The following OPTN variants were observed in gnomAD, a reference collection of about 807,000 sequenced individuals.
OPTN encodes the protein optineurin.
OPTN carries 54 observed loss-of-function variants against 70.4 expected under a neutral mutation model. That is an observed-to-expected ratio of 0.77 (90% CI 0.62 to 0.96). OPTN has a LOEUF of 0.96. OPTN is among the 40% of genes least tolerant of loss of function. The pLI is 0.00. For synonymous variants in OPTN, 256 were observed against 248.5 expected, an observed-to-expected ratio of 1.03 and a Z score of -0.28; for missense variants, 624 against 673.2, an observed-to-expected ratio of 0.93 and a Z score of 0.81.
chr10:13,127,983 ATGTT>A, intron 12 of OPTN, 80 bp downstream of exon 12: 2 of 1,477,200 alleles, frequency 1.4e-6, no homozygotes, highest in South Asian at 2.3e-5. Context: ...GGTGTTTAGA[ATGTT>A]TGTAATTTTC....
chr10:13,103,469 A>G (rs1159434860), intron 1 of OPTN, among the ~76,000 whole-genome samples: 4 of 152,200 alleles, frequency 2.6e-5, no homozygotes. Context: ...ACCATTTGAC[A>G]CATTATGACT....
At chr10:13,135,119 A>G (rs1588455110) in intron 14 of OPTN, among the ~76,000 whole-genome samples, 1 of 152,236 alleles carries the variant, frequency 6.6e-6, no homozygotes, top group Non-Finnish European at 1.5e-5. Flanking sequence ...CTTAGAAGCA[A>G]ATAAAGGTTG....
At chr10:13,132,360 A>G (rs1426404090) in intron 13 of OPTN, among the ~76,000 whole-genome samples, 163 bp downstream of exon 13, 21 of 152,010 alleles carry the variant, frequency 1.4e-4, no homozygotes, top group Non-Finnish European at 2.9e-5. Context: ...AAAATAAATA[A>G]TAATAATAAT....
At chr10:13,110,118 C>A in intron 3 of OPTN, 156 bp from the exon 4 acceptor site, 1 of 1,383,488 alleles carries the variant, frequency 7.2e-7, no homozygotes, top group Non-Finnish European at 9.7e-7. Context: ...TAAGCAAAAA[C>A]CACTTCGTCT....
intron 7 of OPTN, among the ~76,000 whole-genome samples, chr10:13,120,468 A>G (rs969765178): frequency 6.7e-6 from 1 of 150,104 alleles, no homozygotes; most frequent in East Asian, 2.0e-4. Context: ...ATTTACTCCT[A>G]TGTTTTTCTC....
intron 12 of OPTN, 106 bp from the exon 13 acceptor site, chr10:13,131,961 C>T: frequency 1.8e-6 from 2 of 1,132,876 alleles, no homozygotes; most frequent in Non-Finnish European, 2.6e-6. Context: ...ATCTGTGATT[C>T]ACAAGGGCTA....
At chr10:13,104,254 C>CTTTT (rs60982439) in intron 1 of OPTN, among the ~76,000 whole-genome samples, 25 of 97,832 alleles carry the variant, frequency 2.6e-4, no homozygotes, top group African/African-American at 8.8e-4. Flanking sequence ...GTTTTTTTTT[C>CTTTT]TTTTTTTTTT....
intron 13 of OPTN, among the ~76,000 whole-genome samples, chr10:13,132,457 G>T (rs542373024): frequency 3.9e-5 from 6 of 152,278 alleles, no homozygotes; most frequent in African/African-American, 1.4e-4. Flanking sequence ...GTGGGAGCTT[G>T]ATCAAGCTCC....
At position 13,125,514 on chromosome 10, in the gene OPTN, G is replaced by A. The variant is rs1833438846; in HGVS notation, c.1095G>A (p.Val365=). Residue 365 remains valine, a synonymous_variant, in exon 10 of 15, where the codon GTG becomes GTA. Coordinates refer to ENST00000378747, the MANE Select transcript of OPTN (RefSeq NM_001008212.2). ...CTAACAAAAAGTTAGAGCTACAAGT[G>A]GAAAGCATGCTATCAGAAATCAAAA... ...VYTNKKLELQ[V]ESMLSEIKME... is the part of the protein sequence containing the mutation. The A allele has an allele frequency of 1.9e-6, 3 of 1,614,082 alleles. No homozygotes were observed. The highest frequency in any genetic ancestry group is 2.5e-6 in the Non-Finnish European group (3 of 1,179,980).
intron 4 of OPTN, 40 bp from the exon 5 acceptor site, chr10:13,112,413 G>C (rs1169879586): frequency 1.3e-6 from 2 of 1,599,382 alleles, no homozygotes; most frequent in Non-Finnish European, 1.7e-6. Flanking sequence ...CCCAGCCTTA[G>C]TTTGATCTGT....
chr10:13,104,035 T>C (rs941541386), intron 1 of OPTN, among the ~76,000 whole-genome samples: 3 of 152,172 alleles, frequency 2.0e-5, no homozygotes, highest in African/African-American at 7.2e-5. Flanking sequence ...TTCGAAGACA[T>C]GTGCAAGGAT....
chr10:13,124,065 C>T lies in OPTN; in HGVS notation c.953C>T (p.Thr318Ile). ...SLFKELQEAH[T>I]KLSEAELMKK... ...TTTAAGGAGCTTCAAGAGGCTCATA[C>T]AAAACTCAGCGAAGCTGAGCTAATG... is the stretch of plus-strand genomic sequence containing the variant. Residue 318 changes from threonine to isoleucine, a missense_variant, in exon 9 of 15, where the codon ACA (threonine) becomes ATA (isoleucine). Physicochemically the swap from Thr to Ile is moderately conservative, Grantham distance 89. Coordinates refer to ENST00000378747, the MANE Select transcript of OPTN (RefSeq NM_001008212.2). The T allele has an allele frequency of 3.1e-6, 5 of 1,613,658 alleles. No homozygotes were observed. The highest frequency in any genetic ancestry group is 3.4e-6 in the Non-Finnish European group (4 of 1,179,698).
At chr10:13,105,908 G>GA (rs775612836) in intron 1 of OPTN, among the ~76,000 whole-genome samples, 6,772 of 133,588 alleles carry the variant, frequency 0.051, 473 homozygotes, top group African/African-American at 0.16. Context: ...GACTCTGTCT[G>GA]AAAAAAAAAA....
intron 1 of OPTN, among the ~76,000 whole-genome samples, chr10:13,102,471 G>C (rs1832771587): frequency 6.6e-6 from 1 of 152,174 alleles, no homozygotes. Context: ...GTATTCAACA[G>C]ATATTTACCG....
rs757577181 is a variant in OPTN at position 13,136,830 on chromosome 10, C to T, written c.1698C>T (p.Asp566=). The T allele has an allele frequency of 1.2e-6, 2 of 1,614,098 alleles. No individual in the cohort carries two copies. The highest frequency in any genetic ancestry group is 1.7e-6 in the Non-Finnish European group (2 of 1,180,038). ...PKCGEVLPDI[D]TLQIHVMDCI... is the part of the protein sequence containing the mutation. ...GTGGAGAGGTTCTGCCTGACATAGA[C>T]ACGTTACAGATTCACGTGATGGATT... The change falls in exon 15 of 15, where the codon GAC becomes GAT. Residue 566 remains aspartate, a synonymous_variant. Transcript: ENST00000378747.
chr10:13,104,107 A>G (rs943105640), intron 1 of OPTN, among the ~76,000 whole-genome samples: 5 of 152,108 alleles, frequency 3.3e-5, no homozygotes, highest in Non-Finnish European at 7.4e-5. Context: ...AAAAACAGAG[A>G]ATGAAGCTTT....
At position 13,124,075 on chromosome 10, in the gene OPTN, C is replaced by A; in HGVS notation, c.963C>A (p.Ser321Arg). The change falls in exon 9 of 15, where the codon AGC becomes AGA. Residue 321 changes from serine (S) to arginine (R), a missense_variant. Physicochemically the swap from Ser to Arg is moderately radical, Grantham distance 110. Transcript: ENST00000378747. ...TTCAAGAGGCTCATACAAAACTCAG[C>A]GAAGCTGAGCTAATGAAGAAGAGAC... Reference protein sequence around the residue: ...KELQEAHTKLSEAELMKKRLQ... With the variant: ...KELQEAHTKLREAELMKKRLQ... The A allele has an allele frequency of 1.2e-6, 2 of 1,612,534 alleles. No individual in the cohort carries two copies. Among genetic ancestry groups the A allele is most frequent in the Non-Finnish European group, 1.7e-6 (2 of 1,178,892 alleles).
At position 13,116,377 on chromosome 10, in the gene OPTN, G is replaced by C. The variant is rs777927881; in HGVS notation, c.626+37G>C. ...AAGACTCGGGCTGTCAGGCAGACAG[G>C]CTGGGCAGGCTCGTCACTGGGTGCT... is the stretch of plus-strand genomic sequence containing the variant. On this transcript the variant is annotated intron_variant, in intron 6 of 14. Transcript: ENST00000378747. 4.5e-5 allele frequency: 67 copies of C among 1,488,132 alleles called. 1 individual carries two copies. In the South Asian group the frequency reaches 5.0e-4, roughly 11 times the overall value. 92.2% of individuals were successfully genotyped at this position (1,488,132 alleles called of 1,614,324 possible).
rs776728397 is a variant in OPTN, at chr10:13,133,550, C to T, written c.1581C>T (p.Asp527=). The change falls in exon 14 of 15, where the codon GAC becomes GAT. Residue 527 remains aspartate (D), a synonymous_variant. Transcript: ENST00000378747. ...GTCGTCATGGGGCGAGAACAAGTGA[C>T]TCTGACCAGCAGGCTTACCTTGTTC... ...MQSRHGARTS[D]SDQQAYLVQR... is the part of the protein sequence containing the mutation. 1.9e-6 allele frequency: 3 copies of T among 1,614,102 alleles called. No individual in the cohort carries two copies. Among genetic ancestry groups the T allele is most frequent in the Admixed American group, 3.3e-5 (2 of 60,020 alleles).
Sources: allele counts gnomAD v4.1 joint callset (sites outside exome capture counted in the v4.1 genomes callset), GRCh38; gene constraint gnomAD v4.1.1; transcripts MANE v1.5; gene names NCBI Gene and HGNC (gene_info 2026-07-23, HGNC 2026-07-21).